The following ZYG11A variants were observed in gnomAD, a reference collection of about 807,000 sequenced individuals.
ZYG11A encodes the protein zyg-11 family member A, cell cycle regulator.
A neutral mutation model predicts 77.2 loss-of-function variants in ZYG11A; 62 were observed. The observed-to-expected ratio is 0.80, with a 90% CI of 0.65 to 0.99. The LOEUF is 0.99. ZYG11A is among the 50% of genes least tolerant of loss of function. The pLI, the probability that ZYG11A is intolerant of heterozygous loss-of-function variation, is 0.00. For synonymous variants in ZYG11A, 315 were observed against 324.6 expected (o/e 0.97, Z 0.32); for missense variants, 828 against 896.8 (o/e 0.92, Z 0.98).
intron 1 of ZYG11A, among the ~76,000 whole-genome samples, chr1:52,847,133 C>T (rs1456798487): frequency 6.6e-6 from 1 of 151,758 alleles, no homozygotes; most frequent in African/African-American, 2.4e-5. Flanking sequence ...TGATCTCGAT[C>T]TCGGCTCACT....
At chr1:52,871,430 T>C (rs1322911971) in intron 8 of ZYG11A, among the ~76,000 whole-genome samples, 1 of 152,108 alleles carries the variant, frequency 6.6e-6, no homozygotes. Flanking sequence ...TAAATTCCCG[T>C]GTATATATCT....
chr1:52,869,786 G>A lies in ZYG11A; in HGVS notation c.1542+2009G>A, dbSNP rs373799384. On this transcript the variant is annotated intron_variant, in intron 8 of 13. Coordinates refer to ENST00000371528, the MANE Select transcript of ZYG11A (RefSeq NM_001004339.3). Reference sequence around the variant, plus strand: ...ACACCTCCCAGACGGGGTGGTGGCTGGGCAGAGGGGCTCCTCACTTCCCAG... The same window carrying A: ...ACACCTCCCAGACGGGGTGGTGGCTAGGCAGAGGGGCTCCTCACTTCCCAG... Among the ~76,000 whole-genome samples, 68 of 151,820 alleles carry A rather than the reference G, an allele frequency of 4.5e-4. 1 individual carries two copies. The East Asian group carries it at 7.2e-3, about 16-fold the overall frequency.
At chr1:52,850,473 T>G (rs1645687574) in intron 1 of ZYG11A, among the ~76,000 whole-genome samples, 1 of 151,962 alleles carries the variant, frequency 6.6e-6, no homozygotes, top group African/African-American at 2.4e-5. Flanking sequence ...TGCCTGCCAC[T>G]ACACCCGGCC....
intron 4 of ZYG11A, 95 bp downstream of exon 4, chr1:52,860,966 TTATTC>T: frequency 8.0e-7 from 1 of 1,243,954 alleles, no homozygotes; most frequent in Non-Finnish European, 1.1e-6. Context: ...ATTATATGCT[TTATTC>T]TATAGTGAGT....
At chr1:52,864,934 A>C (rs563662284) in intron 5 of ZYG11A, among the ~76,000 whole-genome samples, 3 of 151,596 alleles carry the variant, frequency 2.0e-5, no homozygotes, top group Non-Finnish European at 2.9e-5. Context: ...TACAGACGTG[A>C]GCCCCCGCGC....
intron 13 of ZYG11A, among the ~76,000 whole-genome samples, chr1:52,891,587 A>G (rs1008176606): frequency 6.6e-6 from 1 of 151,812 alleles, no homozygotes; most frequent in African/African-American, 2.4e-5. Context: ...TGTGGTCATG[A>G]GAAGATTTCT....
At chr1:52,851,774 G>A (rs1436956716) in intron 1 of ZYG11A, among the ~76,000 whole-genome samples, 5 of 151,332 alleles carry the variant, frequency 3.3e-5, no homozygotes, top group Non-Finnish European at 7.4e-5. Context: ...TTGAGATATA[G>A]TCTCACTCTG....
intron 12 of ZYG11A, among the ~76,000 whole-genome samples, chr1:52,886,331 A>G (rs1280907099): frequency 6.6e-6 from 1 of 152,120 alleles, no homozygotes; most frequent in Non-Finnish European, 1.5e-5. Flanking sequence ...TGATATTGGG[A>G]AAGTCATTTC....
chr1:52,876,205 C>T lies in ZYG11A; in HGVS notation c.1543-1477C>T, dbSNP rs76471267. ...GGAAATAAAGTAGTATTGACAAATA[C>T]GGTTAAGTGTCCTTTTGAAATTTAT... On this transcript the variant is annotated intron_variant, in intron 8 of 13. Coordinates refer to ENST00000371528, the MANE Select transcript of ZYG11A (RefSeq NM_001004339.3). 5.2e-3 allele frequency among the ~76,000 whole-genome samples: 792 copies of T among 152,190 alleles called. 7 individuals are homozygous for T. The highest frequency in any genetic ancestry group is 0.018 in the African/African-American group (763 of 41,544).
intron 11 of ZYG11A, 86 bp downstream of exon 11, chr1:52,881,751 T>G (rs1646366252): frequency 2.7e-6 from 3 of 1,098,724 alleles, no homozygotes; most frequent in Non-Finnish European, 3.8e-6. Context: ...ATAATATGAT[T>G]GTAGAAAGTG....
At chr1:52,883,613 G>GCA (rs1646397857) in intron 11 of ZYG11A, among the ~76,000 whole-genome samples, 1 of 151,588 alleles carries the variant, frequency 6.6e-6, no homozygotes, top group African/African-American at 2.4e-5. Context: ...TTTTAGTAGT[G>GCA]ACAGGGTTTC....
intron 1 of ZYG11A, among the ~76,000 whole-genome samples, chr1:52,854,232 A>G (rs747722545): frequency 6.6e-6 from 1 of 152,160 alleles, no homozygotes; most frequent in Non-Finnish European, 1.5e-5. Flanking sequence ...TCTGGAACCA[A>G]TCTCCTACAG....
At chr1:52,848,251 T>C (rs924025877) in intron 1 of ZYG11A, among the ~76,000 whole-genome samples, 1 of 152,026 alleles carries the variant, frequency 6.6e-6, no homozygotes, top group African/African-American at 2.4e-5. Context: ...TCCGCCTACC[T>C]TGGCCTTCCA....
In ZYG11A at chr1:52,864,386, C is replaced by G. The variant is rs543646036; in HGVS notation, c.1326+229C>G. Among the ~76,000 whole-genome samples the G allele has an allele frequency of 4.6e-5, 7 of 152,244 alleles. No homozygotes were observed. The South Asian group carries it at 1.2e-3, about 27-fold the overall frequency. ...TCAGCCTCCTGAGTAGCTGGGATTA[C>G]AGGCGTGCACCACGACGCCCAGCTA... is the stretch of plus-strand genomic sequence containing the variant. On this transcript the variant is annotated intron_variant, in intron 5 of 13. Coordinates refer to ENST00000371528, the MANE Select transcript of ZYG11A (RefSeq NM_001004339.3).
intron 8 of ZYG11A, 135 bp downstream of exon 8, chr1:52,867,912 C>T: frequency 1.7e-6 from 1 of 587,530 alleles, no homozygotes; most frequent in South Asian, 2.4e-5. Context: ...CCAGAAGAAA[C>T]TTTCTAATTT....
chr1:52,861,048 G>T (rs1201747216), intron 4 of ZYG11A, among the ~76,000 whole-genome samples, 177 bp downstream of exon 4: 1 of 152,140 alleles, frequency 6.6e-6, no homozygotes, highest in South Asian at 2.1e-4. Flanking sequence ...TTGAGCATCT[G>T]GATTTATGTG....
chr1:52,843,063 C>G lies in ZYG11A; in HGVS notation c.90+90C>G, dbSNP rs945669291. Reference sequence around the variant, plus strand: ...CGAGTCTCCTGGGACGCTGCCGAGGCACTTGCTGGGGAGTGTGGCCCGCGC... The same window carrying G: ...CGAGTCTCCTGGGACGCTGCCGAGGGACTTGCTGGGGAGTGTGGCCCGCGC... On this transcript the variant is annotated intron_variant, in intron 1 of 13. Transcript: ENST00000371528. 2.5e-6 allele frequency: 3 copies of G among 1,188,854 alleles called. No individual in the cohort carries two copies. The East Asian group carries it at 9.6e-5, about 38-fold the overall frequency. The allele number at this position is 1,188,854 out of a possible 1,614,324, so 73.6% of individuals were successfully genotyped here.
intron 1 of ZYG11A, among the ~76,000 whole-genome samples, chr1:52,851,605 G>A (rs140904954): frequency 7.4e-4 from 113 of 151,926 alleles, no homozygotes; most frequent in Non-Finnish European, 1.4e-3. Context: ...TCAACATGTT[G>A]GCCAGGTTGG....
chr1:52,844,728 A>G (rs761653598), intron 1 of ZYG11A, among the ~76,000 whole-genome samples: 2 of 151,792 alleles, frequency 1.3e-5, no homozygotes, highest in Non-Finnish European at 2.9e-5. Context: ...GAGTCTCCCA[A>G]AGTGCTGGGA....
Sources: gnomAD v4.1 joint callset for allele counts (sites outside exome capture counted in the v4.1 genomes callset) on GRCh38, gnomAD v4.1.1 for gene constraint, MANE v1.5 for transcripts, NCBI Gene and HGNC (gene_info 2026-07-23, HGNC 2026-07-21) for gene names.